The following EPG5 variants were observed in gnomAD, a reference collection of about 807,000 sequenced individuals.
EPG5 encodes the protein ectopic P-granules 5 autophagy tethering factor.
In EPG5, 159 loss-of-function variants were observed where a neutral mutation model predicts 302.7. The ratio of observed to expected loss-of-function variants is 0.53; its 90% confidence interval spans 0.46 to 0.60. The LOEUF is 0.60. EPG5 is among the 20% of genes least tolerant of loss of function. EPG5 has a pLI of 0.00. For missense variants in EPG5, 2,896 were observed against 3,092.4 expected (o/e 0.94, Z 1.51); for synonymous variants, 1,158 against 1,136.8 (o/e 1.02, Z -0.37).
intron 36 of EPG5, among the ~76,000 whole-genome samples, chr18:45,868,309 A>T (rs2048790477): frequency 1.3e-5 from 2 of 150,824 alleles, no homozygotes; most frequent in Non-Finnish European, 3.0e-5. Context: ...ACACTAGTGT[A>T]TATTATTTAT....
rs537191063 is a variant in EPG5 at position 45,860,018 on chromosome 18, A to C, written c.7009+86T>G. 2.7e-6 allele frequency: 4 copies of C among 1,506,530 alleles called. No individual in the cohort carries two copies. In the South Asian group the frequency reaches 5.0e-5, roughly 19 times the overall value. 93.3% of individuals were successfully genotyped at this position (1,506,530 alleles called of 1,614,324 possible). On this transcript the variant is annotated intron_variant, in intron 40 of 43. Transcript: ENST00000282041. ...GAATGGCAAATCCCTCACTGGGAAGAGTCTGGAAACATATCTGCTGATGAC... is the reference window on the plus strand; with the variant it reads ...GAATGGCAAATCCCTCACTGGGAAGCGTCTGGAAACATATCTGCTGATGAC...
chr18:45,829,182 A>G, the EPG5 span: 1 of 983,066 alleles, frequency 1.0e-6, no homozygotes, highest in Non-Finnish European at 1.2e-6. Flanking sequence ...CCATCAGCTC[A>G]GGTAAGCAGG....
chr18:45,887,699 A>G, intron 29 of EPG5, 52 bp downstream of exon 29: 2 of 1,383,506 alleles, frequency 1.4e-6, no homozygotes, highest in African/African-American at 1.4e-5. Flanking sequence ...AAGAAGACAG[A>G]CACCGCAGAG....
At chr18:45,829,784 C>T in the EPG5 span, among the ~76,000 whole-genome samples, 1 of 152,180 alleles carries the variant, frequency 6.6e-6, no homozygotes, top group Admixed American at 6.5e-5. Flanking sequence ...GACTCCAGCT[C>T]TGAGGGCCAC....
chr18:45,967,141 C>G, intron 1 of EPG5, 36 bp downstream of exon 1: 3 of 1,523,156 alleles, frequency 2.0e-6, no homozygotes, highest in Non-Finnish European at 2.6e-6. Context: ...ACACAGCACA[C>G]TGCCAGAGCC....
chr18:45,899,418 C>T lies in EPG5; in HGVS notation c.4795G>A (p.Val1599Ile), dbSNP rs2049553713. The change falls in exon 27 of 44, where the codon GTT (valine) becomes ATT (isoleucine). Residue 1599 changes from valine to isoleucine, a missense_variant. By Grantham distance (29) the Val-to-Ile change is conservative. Coordinates refer to ENST00000282041, the MANE Select transcript of EPG5 (RefSeq NM_020964.3). ...TAAACACTTACCTGAACCGTGACAA[C>T]TGCGGCTCCTTGGCATTTCTTACCG... ...SSGKKCQGAA[V>I]VTVQFEGMHK... 1.9e-6 allele frequency: 3 copies of T among 1,614,050 alleles called. No individual in the cohort carries two copies. The highest frequency in any genetic ancestry group is 2.7e-5 in the African/African-American group (2 of 74,914).
the EPG5 span, chr18:45,837,413 G>A: frequency 7.3e-7 from 1 of 1,376,858 alleles, no homozygotes; most frequent in Non-Finnish European, 9.4e-7. Flanking sequence ...CCAGGCTAGG[G>A]GTTGGGGGAG....
rs1400201337 is a variant in EPG5, at chr18:45,948,451, T to C, written c.1571+52A>G. ...TAGGCAGTTTCAGGAGCCAATCCTT[T>C]AGAAGAAAGAAGCATTTCAATCTCT... On this transcript the variant is annotated intron_variant, in intron 6 of 43. Coordinates refer to ENST00000282041, the MANE Select transcript of EPG5 (RefSeq NM_020964.3). The C allele has an allele frequency of 1.8e-5, 26 of 1,421,866 alleles. No homozygotes were observed. The South Asian group carries it at 2.9e-4, about 16-fold the overall frequency. 88.1% of individuals were successfully genotyped at this position (1,421,866 alleles called of 1,614,324 possible). A position where few individuals can be genotyped will look rare whatever the true frequency, so the allele number is the denominator to read the frequency against.
chr18:45,906,062 A>G (rs773453276), intron 24 of EPG5, among the ~76,000 whole-genome samples: 2 of 151,984 alleles, frequency 1.3e-5, no homozygotes, highest in Non-Finnish European at 2.9e-5. Context: ...TTCTCTTACC[A>G]CTAAATCCAC....
At chr18:45,822,433 T>C in the EPG5 span, among the ~76,000 whole-genome samples, 3 of 152,160 alleles carry the variant, frequency 2.0e-5, no homozygotes, top group African/African-American at 7.2e-5. Flanking sequence ...TGTTAAAAGA[T>C]ACAAAATTAT....
In EPG5 at chr18:45,902,128, T is replaced by C. The variant is rs114047498; in HGVS notation, c.4475-961A>G. Among the ~76,000 whole-genome samples, 1,064 of 152,348 alleles carry C rather than the reference T, an allele frequency of 7.0e-3. 13 individuals carry two copies. Among genetic ancestry groups the C allele is most frequent in the African/African-American group, 0.024 (983 of 41,574 alleles). On this transcript the variant is annotated intron_variant, in intron 25 of 43. Coordinates refer to ENST00000282041, the MANE Select transcript of EPG5 (RefSeq NM_020964.3). ...GGACTACAGTGAATTTCCGATTACA[T>C]TCCAGATGTAACATTCCATTTTCTA...
the EPG5 span, among the ~76,000 whole-genome samples, chr18:45,810,092 T>A: frequency 2.6e-5 from 4 of 152,240 alleles, no homozygotes; most frequent in African/African-American, 7.2e-5. Context: ...AACATCTTTA[T>A]GTGCATAAAC....
rs536429905 is a variant in EPG5 at position 45,956,078 on chromosome 18, C to T, written c.64-740G>A. 2.0e-4 allele frequency among the ~76,000 whole-genome samples: 30 copies of T among 152,296 alleles called. 1 individual carries two copies. The East Asian group carries it at 5.4e-3, about 27-fold the overall frequency. ...CTCCCAAATATTTAATAACAACGAACAGGAAAATAGTAAGTTTCAGTGGAG... is the reference window on the plus strand; with the variant it reads ...CTCCCAAATATTTAATAACAACGAATAGGAAAATAGTAAGTTTCAGTGGAG... On this transcript the variant is annotated intron_variant, in intron 1 of 43. Transcript: ENST00000282041.
In EPG5 at chr18:45,905,439, A is replaced by G. The variant is rs978709347; in HGVS notation, c.4330-1322T>C. ...CAAGGCATTCCAGACTCAGAGGAGG[A>G]GCTCCAATGTAATCCTGATCACAAT... On this transcript the variant is annotated intron_variant, in intron 24 of 43. Coordinates refer to ENST00000282041, the MANE Select transcript of EPG5 (RefSeq NM_020964.3). Among the ~76,000 whole-genome samples the G allele has an allele frequency of 2.6e-5, 4 of 152,168 alleles. No individual in the cohort carries two copies. The East Asian group carries it at 5.8e-4, about 22-fold the overall frequency.
chr18:45,948,367 A>T, intron 6 of EPG5, 136 bp downstream of exon 6: 3 of 700,158 alleles, frequency 4.3e-6, no homozygotes, highest in Non-Finnish European at 7.3e-6. Context: ...ACCCAAAGAA[A>T]ATCTGCAATG....
intron 12 of EPG5, among the ~76,000 whole-genome samples, chr18:45,929,896 G>A (rs1171674572): frequency 1.3e-5 from 2 of 152,146 alleles, no homozygotes; most frequent in African/African-American, 4.8e-5. Context: ...TGGATTATTA[G>A]GGGAAGATAA....
At chr18:45,961,448 T>C (rs1470231157) in intron 1 of EPG5, among the ~76,000 whole-genome samples, 2 of 152,184 alleles carry the variant, frequency 1.3e-5, no homozygotes, top group African/African-American at 2.4e-5. Context: ...AGGTCTGGCA[T>C]GCCACCGCCA....
At chr18:45,937,235 T>TAC (rs57593059) in intron 10 of EPG5, among the ~76,000 whole-genome samples, 6,534 of 136,634 alleles carry the variant, frequency 0.048, 227 homozygotes, top group African/African-American at 0.11. Context: ...TACATATATA[T>TAC]ACACACACAC....
chr18:45,828,962 C>A, the EPG5 span: 51 of 346,092 alleles, frequency 1.5e-4, no homozygotes, highest in African/African-American at 1.1e-3. Context: ...CAGGGCACTT[C>A]TCTCCCAGTG....
Sources: gnomAD v4.1 joint callset for allele counts (sites outside exome capture counted in the v4.1 genomes callset) on GRCh38, gnomAD v4.1.1 for gene constraint, MANE v1.5 for transcripts, NCBI Gene and HGNC (gene_info 2026-07-23, HGNC 2026-07-21) for gene names.